R3HDM1: variants seen among roughly 807,000 people sequenced by gnomAD.
R3HDM1 encodes R3H domain containing 1, also known as R3H domain-containing protein 1.
In R3HDM1, 46 loss-of-function variants were observed where a neutral mutation model predicts 141.1. The ratio of observed to expected loss-of-function variants is 0.33; its 90% CI spans 0.26 to 0.42. The LOEUF (loss-of-function observed/expected upper bound fraction) is 0.42, where lower values mean the gene tolerates loss of function less well. Ranked by LOEUF, R3HDM1 falls within the 10% of genes least tolerant of loss-of-function variation. The pLI, the probability that R3HDM1 is intolerant of heterozygous loss-of-function variation, is 1.00. For missense variants in R3HDM1, 1,184 were observed against 1,368.3 expected (o/e 0.87, Z 2.12); for synonymous variants, 435 against 472.9 (o/e 0.92, Z 1.04).
At chr2:135,685,464 CAT>C (rs548336467) in intron 21 of R3HDM1, among the ~76,000 whole-genome samples, 44 of 152,308 alleles carry the variant, frequency 2.9e-4, no homozygotes, top group Non-Finnish European at 4.6e-4. Flanking sequence ...TCATGTCTGA[CAT>C]GTGATGGGAG....
At chr2:135,629,952 C>T (rs1300547107) in intron 7 of R3HDM1, among the ~76,000 whole-genome samples, 1 of 151,848 alleles carries the variant, frequency 6.6e-6, no homozygotes, top group Non-Finnish European at 1.5e-5. Context: ...AGCCAGAAAT[C>T]CTGTTGCCTG....
intron 21 of R3HDM1, among the ~76,000 whole-genome samples, chr2:135,693,122 A>T (rs2072702386): frequency 6.6e-6 from 1 of 152,248 alleles, no homozygotes; most frequent in Non-Finnish European, 1.5e-5. Context: ...AAGTTTCCAT[A>T]AATTTTTATT....
intron 1 of R3HDM1, among the ~76,000 whole-genome samples, chr2:135,600,669 C>T (rs549795620): frequency 1.1e-4 from 17 of 152,272 alleles, no homozygotes; most frequent in African/African-American, 3.4e-4. Flanking sequence ...TTTCTATATG[C>T]CATTGACTCC....
intron 1 of R3HDM1, among the ~76,000 whole-genome samples, chr2:135,532,132 C>T (rs1694982785): frequency 6.6e-6 from 1 of 152,128 alleles, no homozygotes; most frequent in Admixed American, 6.5e-5. Flanking sequence ...GCTCCCCCGG[C>T]CGCCCCACGG....
chr2:135,660,702 T>A (rs1312263752), intron 18 of R3HDM1, among the ~76,000 whole-genome samples: 1 of 151,826 alleles, frequency 6.6e-6, no homozygotes, highest in African/African-American at 2.4e-5. Flanking sequence ...AAAAATTAGC[T>A]GGGCATGGTG....
chr2:135,549,583 A>C (rs1187820396), intron 1 of R3HDM1, among the ~76,000 whole-genome samples: 2 of 149,140 alleles, frequency 1.3e-5, no homozygotes, highest in East Asian at 2.0e-4. Context: ...AAAAAAAAAC[A>C]AAAACAAAAT....
rs140232386 is a variant in R3HDM1 at position 135,607,288 on chromosome 2, A to G, written c.171+2272A>G. The G allele has an allele frequency of 6.2e-4, 608 of 985,390 alleles. 3 individuals carry two copies. The African/African-American group carries it at 9.9e-3, about 16-fold the overall frequency. The allele number at this position is 985,390 out of a possible 1,614,324, so 61.0% of individuals were successfully genotyped here. On this transcript the variant is annotated intron_variant, in intron 3 of 26. Coordinates refer to ENST00000683871, the MANE Select transcript of R3HDM1 (RefSeq NM_001378107.1). ...AGGCGTGAGCCACCGCTGCTGGCCA[A>G]GAAACCTGTTTTTAAAGGTTTTCTC...
rs770621301 is a variant in R3HDM1 at position 135,680,334 on chromosome 2, A to C, written c.2459+10A>C. 3.1e-6 allele frequency: 5 copies of C among 1,612,936 alleles called. No individual in the cohort carries two copies. The South Asian group carries it at 5.5e-5, about 18-fold the overall frequency. ...AACAAAACAATTTAAGGTGAGTATG[A>C]CTGAGTAACCTAATCTTCCAGCTTC... On this transcript the variant is annotated intron_variant, in intron 21 of 26. Coordinates refer to ENST00000683871, the MANE Select transcript of R3HDM1 (RefSeq NM_001378107.1).
At chr2:135,542,846 C>A (rs947434424) in intron 1 of R3HDM1, among the ~76,000 whole-genome samples, 1 of 152,208 alleles carries the variant, frequency 6.6e-6, no homozygotes, top group Non-Finnish European at 1.5e-5. Context: ...TCAAGCAATT[C>A]TTTTGCCTCA....
chr2:135,651,225 G>T, intron 17 of R3HDM1: 1 of 985,122 alleles, frequency 1.0e-6, no homozygotes, highest in Non-Finnish European at 1.2e-6. Context: ...TGGATTTTAT[G>T]TATTTAATTT....
In R3HDM1 at chr2:135,570,910, T is replaced by C. The variant is rs539948699; in HGVS notation, c.-249-31590T>C. 2.6e-5 allele frequency among the ~76,000 whole-genome samples: 4 copies of C among 152,362 alleles called. No individual in the cohort carries two copies. The East Asian group carries it at 7.7e-4, about 29-fold the overall frequency. On this transcript the variant is annotated intron_variant, in intron 1 of 26. Transcript: ENST00000683871. ...ACAAAAGTATTTTCAACGTGTGTGT[T>C]GTAGCCTAATGGTGGGAAGACTCAT...
At chr2:135,623,153 A>G (rs73956768) in intron 7 of R3HDM1, 37,407 of 595,386 alleles carry the variant, frequency 0.063, 1,937 homozygotes, top group South Asian at 0.29. Flanking sequence ...CATCAACCCA[A>G]AGATTTTTGA....
At chr2:135,689,844 T>C (rs2072026776) in intron 21 of R3HDM1, among the ~76,000 whole-genome samples, 2 of 152,288 alleles carry the variant, frequency 1.3e-5, no homozygotes, top group South Asian at 4.1e-4. Context: ...CCAGCAGCCT[T>C]CAAAAGTGGG....
intron 21 of R3HDM1, among the ~76,000 whole-genome samples, chr2:135,698,980 CAGATA>C (rs1271714742): frequency 1.3e-5 from 1 of 78,130 alleles, no homozygotes; most frequent in Admixed American, 1.5e-4. Context: ...ATATTACACT[CAGATA>C]GATAGATAGA....
chr2:135,704,409 A>C (rs2074615647), intron 21 of R3HDM1, among the ~76,000 whole-genome samples: 1 of 152,236 alleles, frequency 6.6e-6, no homozygotes, highest in South Asian at 2.1e-4. Flanking sequence ...ATAACATTTA[A>C]AAGCTAAACT....
intron 14 of R3HDM1, 138 bp downstream of exon 14, chr2:135,639,260 C>T (rs2063550119): frequency 2.7e-6 from 2 of 733,286 alleles, no homozygotes; most frequent in Non-Finnish European, 4.5e-6. Flanking sequence ...ACCTCCGGAG[C>T]ACTTAAGGGG....
chr2:135,666,594 C>T (rs766490399), intron 19 of R3HDM1, among the ~76,000 whole-genome samples: 1 of 152,160 alleles, frequency 6.6e-6, no homozygotes, highest in Non-Finnish European at 1.5e-5. Flanking sequence ...TGTATAGACT[C>T]TTCCATGGAA....
chr2:135,628,782 C>A (rs1182209797), intron 7 of R3HDM1, among the ~76,000 whole-genome samples: 1 of 152,046 alleles, frequency 6.6e-6, no homozygotes, highest in African/African-American at 2.4e-5. Context: ...TGCGCCACCA[C>A]GCCCGGCTAT....
chr2:135,610,422 C>T (rs1252584345), intron 3 of R3HDM1, among the ~76,000 whole-genome samples: 3 of 152,154 alleles, frequency 2.0e-5, no homozygotes, highest in South Asian at 2.1e-4. Context: ...CTCTGACATA[C>T]GTGAGTCAAT....
Sources: gnomAD v4.1 joint callset for allele counts (sites outside exome capture counted in the v4.1 genomes callset) on GRCh38, gnomAD v4.1.1 for gene constraint, MANE v1.5 for transcripts, NCBI Gene and HGNC (gene_info 2026-07-23, HGNC 2026-07-21) for gene names.